The following VPS54 variants were observed in gnomAD, a reference collection of about 807,000 sequenced individuals.
VPS54 encodes vacuolar protein sorting-associated protein 54.
Under a neutral mutation model 121.5 loss-of-function variants are expected in VPS54, and 45 were observed. The ratio of observed to expected loss-of-function variants is 0.37; its 90% CI spans 0.29 to 0.47. The LOEUF (loss-of-function observed/expected upper bound fraction) is 0.47. VPS54 is among the 20% of genes least tolerant of loss of function. The pLI is 0.99. For synonymous variants in VPS54, 371 were observed against 385.8 expected (o/e 0.96, Z 0.45); for missense variants, 1,090 against 1,131.4 (o/e 0.96, Z 0.52).
chr2:64,010,001 C>G (rs554372772), intron 1 of VPS54, among the ~76,000 whole-genome samples: 1 of 152,022 alleles, frequency 6.6e-6, no homozygotes, highest in African/African-American at 2.4e-5. Context: ...GTCACCTTGC[C>G]TGCCTAATTT....
At chr2:63,901,653 C>T (rs1479390629) in intron 20 of VPS54, among the ~76,000 whole-genome samples, 1 of 152,130 alleles carries the variant, frequency 6.6e-6, no homozygotes, top group Non-Finnish European at 1.5e-5. Context: ...AAGTAAAAGG[C>T]CTAAGTCACT....
At position 63,914,240 on chromosome 2, in the gene VPS54, A is replaced by G; in HGVS notation, c.2276T>C (p.Val759Ala). 1 of 1,613,836 alleles carries G rather than the reference A, an allele frequency of 6.2e-7. No individual in the cohort carries two copies. ...IRIILEYCQC[V>A]DNIPSVTTDM... ...AGTAGTAACAGATGGGATGTTATCCACACACTGGCAATATTCAAGGATAAT... is the reference window on the plus strand; with the variant it reads ...AGTAGTAACAGATGGGATGTTATCCGCACACTGGCAATATTCAAGGATAAT... Residue 759 changes from valine to alanine, a missense_variant, in exon 17 of 23, where the codon GTG (valine) becomes GCG (alanine). Around this residue, in one of 2 missense-constraint regions of VPS54, gnomAD observed 289 missense variants for 374.4 expected, o/e 0.77. Coordinates refer to ENST00000272322, the MANE Select transcript of VPS54 (RefSeq NM_016516.3).
intron 1 of VPS54, among the ~76,000 whole-genome samples, chr2:63,989,383 CA>C (rs1335517885): frequency 3.3e-5 from 5 of 152,162 alleles, no homozygotes; most frequent in African/African-American, 4.8e-5. Context: ...ATTTTCGGCT[CA>C]GGGGGCATCA....
chr2:63,937,478 C>G (rs904374117), intron 11 of VPS54, among the ~76,000 whole-genome samples: 11 of 152,102 alleles, frequency 7.2e-5, no homozygotes, highest in Non-Finnish European at 1.6e-4. Flanking sequence ...GCTAGTCTCA[C>G]AAAATCCAGA....
At chr2:63,973,715 A>G (rs968556068) in intron 3 of VPS54, among the ~76,000 whole-genome samples, 2 of 151,706 alleles carry the variant, frequency 1.3e-5, no homozygotes, top group African/African-American at 4.8e-5. Context: ...TAATTTTTCT[A>G]ATTTTTTCTT....
intron 1 of VPS54, among the ~76,000 whole-genome samples, chr2:63,992,751 G>T (rs919387714): frequency 6.6e-6 from 1 of 152,238 alleles, no homozygotes; most frequent in Non-Finnish European, 1.5e-5. Flanking sequence ...ACCTATAGGA[G>T]CCTTCCAACT....
chr2:63,967,881 T>C (rs1228516064), intron 5 of VPS54, among the ~76,000 whole-genome samples: 1 of 152,042 alleles, frequency 6.6e-6, no homozygotes, highest in African/African-American at 2.4e-5. Flanking sequence ...AAAGCTGCCA[T>C]TTTAAGCAAA....
At chr2:63,893,752 A>C (rs1672325371) in intron 22 of VPS54, among the ~76,000 whole-genome samples, 1 of 152,200 alleles carries the variant, frequency 6.6e-6, no homozygotes, top group Admixed American at 6.5e-5. Context: ...GAATAAACCA[A>C]TGGCTGTTAG....
chr2:63,990,302 G>T (rs1677257307), intron 1 of VPS54, among the ~76,000 whole-genome samples: 1 of 151,972 alleles, frequency 6.6e-6, no homozygotes, highest in African/African-American at 2.4e-5. Flanking sequence ...TTCACGAAGA[G>T]CCAGTACTTA....
intron 8 of VPS54, among the ~76,000 whole-genome samples, 165 bp downstream of exon 8, chr2:63,948,872 C>T (rs956910208): frequency 1.3e-5 from 2 of 152,116 alleles, no homozygotes; most frequent in Non-Finnish European, 2.9e-5. Context: ...GGATAGTGAA[C>T]AATCATGGTG....
chr2:63,984,166 T>C (rs1011753896), intron 1 of VPS54, 147 bp from the exon 2 acceptor site: 3 of 644,120 alleles, frequency 4.7e-6, no homozygotes, highest in South Asian at 3.5e-5. Flanking sequence ...ATTGGGAAAA[T>C]TGATCACAAT....
intron 1 of VPS54, among the ~76,000 whole-genome samples, chr2:64,009,955 C>A (rs928864779): frequency 2.6e-5 from 4 of 151,914 alleles, no homozygotes; most frequent in Non-Finnish European, 4.4e-5. Flanking sequence ...GATTCTCCTA[C>A]CTCAGCCTCC....
chr2:63,925,060 T>C (rs77670412), intron 12 of VPS54, among the ~76,000 whole-genome samples: 9 of 152,180 alleles, frequency 5.9e-5, no homozygotes, highest in South Asian at 2.1e-4. Flanking sequence ...TAATGAATCA[T>C]AGAATTATAT....
At chr2:63,916,422 T>C (rs1025282718) in intron 16 of VPS54, among the ~76,000 whole-genome samples, 1 of 152,196 alleles carries the variant, frequency 6.6e-6, no homozygotes, top group Admixed American at 6.5e-5. Flanking sequence ...AACTATCAAC[T>C]TATTAGGTGC....
intron 12 of VPS54, among the ~76,000 whole-genome samples, chr2:63,927,324 A>G (rs1425660987): frequency 6.6e-6 from 1 of 152,188 alleles, no homozygotes; most frequent in Non-Finnish European, 1.5e-5. Context: ...ATCAGGCAGC[A>G]ATATTTGCTG....
intron 2 of VPS54, 61 bp downstream of exon 2, chr2:63,983,803 C>G: frequency 1.3e-6 from 2 of 1,519,424 alleles, no homozygotes; most frequent in Non-Finnish European, 1.8e-6. Context: ...TAAAACCTGA[C>G]TACTCATTTA....
At chr2:63,909,640 G>C (rs185002127) in intron 20 of VPS54, among the ~76,000 whole-genome samples, 154 of 142,984 alleles carry the variant, frequency 1.1e-3, no homozygotes, top group African/African-American at 3.5e-3. Flanking sequence ...GGCTGGTCTT[G>C]AACTCCTGAC....
In VPS54 at chr2:63,994,101, C is replaced by G. The variant is rs1677465821; in HGVS notation, c.-20-10082G>C. ...GAGATCTGTGCCAACTCCTTAGAAGCTGGCCCACCAAATCACAATGGGTCT... is the reference window on the plus strand; with the variant it reads ...GAGATCTGTGCCAACTCCTTAGAAGGTGGCCCACCAAATCACAATGGGTCT... On this transcript the variant is annotated intron_variant, in intron 1 of 22. Transcript: ENST00000272322. 3.3e-5 allele frequency among the ~76,000 whole-genome samples: 5 copies of G among 152,286 alleles called. No individual in the cohort carries two copies. In the South Asian group the frequency reaches 1.0e-3, roughly 32 times the overall value.
chr2:63,924,112 A>C (rs1673781950), intron 12 of VPS54, among the ~76,000 whole-genome samples: 2 of 152,342 alleles, frequency 1.3e-5, no homozygotes, highest in East Asian at 3.9e-4. Context: ...AGTGAGCCAC[A>C]ATGGAGGTAG....
Sources: allele counts gnomAD v4.1 joint callset (sites outside exome capture counted in the v4.1 genomes callset), GRCh38; gene constraint gnomAD v4.1.1; regional missense constraint gnomAD v4.1.1; transcripts MANE v1.5; gene names NCBI Gene and HGNC (gene_info 2026-07-23, HGNC 2026-07-21).